The following DCC variants were observed in gnomAD, a reference collection of about 807,000 sequenced individuals.
DCC encodes the protein netrin receptor DCC.
A neutral mutation model predicts 172.5 loss-of-function variants in DCC; 58 were observed. The ratio of observed to expected loss-of-function variants is 0.34; its 90% CI spans 0.27 to 0.42. The LOEUF (loss-of-function observed/expected upper bound fraction) is 0.42, where lower values mean the gene tolerates loss of function less well. Among genes scored for constraint, DCC ranks in the 10% least tolerant of loss-of-function variants. The pLI is 1.00. For missense variants in DCC, 1,740 were observed against 1,791.0 expected (o/e 0.97, Z 0.51); for synonymous variants, 709 against 644.5 (o/e 1.10, Z -1.52).
chr18:53,267,087 T>C (rs557233683), intron 12 of DCC, among the ~76,000 whole-genome samples: 52 of 149,458 alleles, frequency 3.5e-4, no homozygotes, highest in African/African-American at 7.7e-4. Flanking sequence ...AACCTTTATA[T>C]ACACACACAC....
chr18:52,387,595 C>CTTCCTTCCTTCCTTCT (rs1985857341), intron 1 of DCC, among the ~76,000 whole-genome samples: 1 of 147,070 alleles, frequency 6.8e-6, no homozygotes, highest in Non-Finnish European at 1.5e-5. Flanking sequence ...TCCTTCCTTC[C>CTTCCTTCCTTCCTTCT]TTCCTTCCTT....
At position 53,250,416 on chromosome 18, in the gene DCC, AC is replaced by A. The variant is rs368581394; in HGVS notation, c.1911+34820del. 6.5e-4 allele frequency among the ~76,000 whole-genome samples: 99 copies of A among 151,854 alleles called. No individual in the cohort carries two copies. In the East Asian group the frequency reaches 0.019, roughly 29 times the overall value. On this transcript the variant is annotated intron_variant, in intron 12 of 28. Coordinates refer to ENST00000442544, the MANE Select transcript of DCC (RefSeq NM_005215.4). ...GGGGTTGCAGCTCTACTGTAGTTTCACTCTAGGACAAGTGACTTGGCAATCA... is the reference window on the plus strand; with the variant it reads ...GGGGTTGCAGCTCTACTGTAGTTTCATCTAGGACAAGTGACTTGGCAATCA...
intron 12 of DCC, among the ~76,000 whole-genome samples, chr18:53,223,968 C>T (rs2055982826): frequency 6.6e-6 from 1 of 152,094 alleles, no homozygotes. Flanking sequence ...TTTAATAATC[C>T]TATAAGATAT....
intron 1 of DCC, among the ~76,000 whole-genome samples, chr18:52,689,256 T>C (rs531260921): frequency 6.6e-6 from 1 of 152,226 alleles, no homozygotes; most frequent in South Asian, 2.1e-4. Context: ...CATAATTAAG[T>C]GCTAATTTGC....
At chr18:53,075,724 A>G (rs2144119751) in intron 7 of DCC, among the ~76,000 whole-genome samples, 1 of 152,304 alleles carries the variant, frequency 6.6e-6, no homozygotes, top group Middle Eastern at 3.4e-3. Context: ...TATAGATTAT[A>G]TAGTATGTAG....
chr18:52,564,405 A>G (rs1030674457), intron 1 of DCC, among the ~76,000 whole-genome samples: 1 of 152,224 alleles, frequency 6.6e-6, no homozygotes, highest in Admixed American at 6.6e-5. Flanking sequence ...GTTCTTAAGC[A>G]TGCACTAATA....
intron 1 of DCC, among the ~76,000 whole-genome samples, chr18:52,401,959 GA>G (rs1986456408): frequency 6.6e-6 from 1 of 151,900 alleles, no homozygotes; most frequent in Admixed American, 6.6e-5. Flanking sequence ...TTTTCTGGAA[GA>G]AAATTTCAAT....
At position 52,735,870 on chromosome 18, in the gene DCC, A is replaced by C. The variant is rs959080816; in HGVS notation, c.92-16184A>C. Reference sequence around the variant, plus strand: ...CATACTTCAATTCAATCAAGTTGACACTCAGTATTAACAATCACACATGAC... The same window carrying C: ...CATACTTCAATTCAATCAAGTTGACCCTCAGTATTAACAATCACACATGAC... On this transcript the variant is annotated intron_variant, in intron 1 of 28. Coordinates refer to ENST00000442544, the MANE Select transcript of DCC (RefSeq NM_005215.4). 2.6e-5 allele frequency among the ~76,000 whole-genome samples: 4 copies of C among 152,252 alleles called. No homozygotes were observed. The East Asian group carries it at 7.8e-4, about 30-fold the overall frequency.
chr18:53,008,322 A>G (rs1005074194), intron 5 of DCC, among the ~76,000 whole-genome samples: 1 of 151,964 alleles, frequency 6.6e-6, no homozygotes, highest in African/African-American at 2.4e-5. Flanking sequence ...ACTTAATTAT[A>G]GTTCTGTTGG....
chr18:53,362,082 A>G (rs970245258), intron 15 of DCC, among the ~76,000 whole-genome samples: 3 of 152,122 alleles, frequency 2.0e-5, no homozygotes, highest in African/African-American at 7.2e-5. Context: ...CATGATGGTA[A>G]TGATACAATA....
Position 52,942,136 on chromosome 18 carries a change from T to C in DCC, c.985+16766T>C, listed in dbSNP as rs184530547. On this transcript the variant is annotated intron_variant, in intron 5 of 28. Coordinates refer to ENST00000442544, the MANE Select transcript of DCC (RefSeq NM_005215.4). Reference sequence around the variant, plus strand: ...GCCTGCAGGATTTTGCCACTAATTATGTAGACTGTTGGTTTGAGATAGGTA... The same window carrying C: ...GCCTGCAGGATTTTGCCACTAATTACGTAGACTGTTGGTTTGAGATAGGTA... Among the ~76,000 whole-genome samples, 483 of 152,308 alleles carry C rather than the reference T, an allele frequency of 3.2e-3. 3 individuals carry two copies. Among genetic ancestry groups the C allele is most frequent in the Non-Finnish European group, 5.4e-3 (368 of 68,036 alleles).
chr18:52,701,377 C>T (rs1374890229), intron 1 of DCC, among the ~76,000 whole-genome samples: 1 of 152,170 alleles, frequency 6.6e-6, no homozygotes, highest in African/African-American at 2.4e-5. Flanking sequence ...TTCCTGTAAG[C>T]TCAATGGGAC....
At position 53,157,344 on chromosome 18, in the gene DCC, CT is replaced by C; in HGVS notation, c.1262-9del. On this transcript the variant is annotated splice_polypyrimidine_tract_variant and intron_variant, in intron 7 of 28. Coordinates refer to ENST00000442544, the MANE Select transcript of DCC (RefSeq NM_005215.4). ...GCGACACCTCTGATAGCCTCCTCTT[CT>C]TTCTCCTTAGCTATCCCAAGCTCCA... is the stretch of plus-strand genomic sequence containing the variant. The C allele has an allele frequency of 6.2e-7, 1 of 1,613,142 alleles. No individual in the cohort carries two copies. The highest frequency in any genetic ancestry group is 8.5e-7 in the Non-Finnish European group (1 of 1,179,952).
intron 12 of DCC, among the ~76,000 whole-genome samples, chr18:53,267,100 ACTCT>A (rs74180414): frequency 9.5e-4 from 132 of 138,564 alleles, no homozygotes; most frequent in African/African-American, 2.8e-3. Flanking sequence ...ACACACACAC[ACTCT>A]CTCTCTCACA....
chr18:53,391,879 A>G lies in DCC; in HGVS notation c.2680A>G (p.Lys894Glu). 2 of 1,569,022 alleles carry G rather than the reference A, an allele frequency of 1.3e-6. No individual in the cohort carries two copies. Among genetic ancestry groups the G allele is most frequent in the Non-Finnish European group, 1.8e-6 (2 of 1,138,762 alleles). The change falls in exon 17 of 29, where the codon AAA becomes GAA. Residue 894 changes from lysine (K) to glutamate (E), a missense_variant. Lys to Glu is a moderately conservative substitution (Grantham distance 56). This residue lies in a region of DCC where 1,732 missense variants were observed against 1,767.4 expected (regional missense o/e 0.98). Transcript: ENST00000442544. ...RWRTSFSASA[K>E]YKSEDTTSLS... ...GAGAACCAGCTTTTCTGCAAGTGCA[A>G]AATACAAGGTGAAGTTCTAATTGAT...
chr18:52,876,146 G>T (rs1568162388), intron 2 of DCC, among the ~76,000 whole-genome samples: 1 of 152,002 alleles, frequency 6.6e-6, no homozygotes, highest in African/African-American at 2.4e-5. Flanking sequence ...AAGCCAACAA[G>T]GAAACAATAG....
chr18:53,241,756 G>A (rs1246711823), intron 12 of DCC, among the ~76,000 whole-genome samples: 1 of 152,148 alleles, frequency 6.6e-6, no homozygotes, highest in African/African-American at 2.4e-5. Flanking sequence ...AGGTTGCAGT[G>A]GCTGCGCACT....
At chr18:52,700,120 CGTT>C (rs2145032278) in intron 1 of DCC, among the ~76,000 whole-genome samples, 1 of 152,068 alleles carries the variant, frequency 6.6e-6, no homozygotes, top group African/African-American at 2.4e-5. Flanking sequence ...TCTGCTCTCT[CGTT>C]TGCGCTCTCT....
At chr18:52,856,625 C>CAAAAAAAAAAAAAAA (rs11426617) in intron 2 of DCC, among the ~76,000 whole-genome samples, 4 of 82,962 alleles carry the variant, frequency 4.8e-5, no homozygotes, top group African/African-American at 1.1e-4. Context: ...GACTCCATCT[C>CAAAAAAAAAAAAAAA]AAAAAAAAAA....
Sources: gnomAD v4.1 joint callset for allele counts (sites outside exome capture counted in the v4.1 genomes callset) on GRCh38, gnomAD v4.1.1 for gene constraint, gnomAD v4.1.1 regional missense constraint, MANE v1.5 for transcripts, NCBI Gene and HGNC (gene_info 2026-07-23, HGNC 2026-07-21) for gene names.